CEP112: variants seen among roughly 807,000 people sequenced by gnomAD.
The protein encoded by CEP112 is centrosomal protein 112.
A neutral mutation model predicts 153.0 loss-of-function variants in CEP112; 127 were observed. The observed-to-expected ratio is 0.83, with a 90% CI of 0.72 to 0.96. CEP112 has a LOEUF of 0.96. CEP112 is among the 40% of genes least tolerant of loss of function. The probability of loss-of-function intolerance (pLI) is 0.00; values close to 1 mark genes in which losing one functional copy is unlikely to be tolerated. For missense variants in CEP112, 1,089 were observed against 1,101.2 expected (o/e 0.99, Z 0.16); for synonymous variants, 358 against 374.4 (o/e 0.96, Z 0.51).
At chr17:66,128,649 T>C (rs1381430157) in intron 6 of CEP112, among the ~76,000 whole-genome samples, 1 of 152,144 alleles carries the variant, frequency 6.6e-6, no homozygotes, top group Non-Finnish European at 1.5e-5. Flanking sequence ...AGCAATCAAA[T>C]ATGTATAAAA....
intron 23 of CEP112, among the ~76,000 whole-genome samples, chr17:65,733,611 C>G (rs1340559056): frequency 6.6e-6 from 1 of 152,170 alleles, no homozygotes; most frequent in African/African-American, 2.4e-5. Flanking sequence ...ACCACAAGAT[C>G]TGAGTTCTCT....
At position 65,925,363 on chromosome 17, in the gene CEP112, C is replaced by T. The variant is rs181171352; in HGVS notation, c.1980+2219G>A. 9.7e-4 allele frequency among the ~76,000 whole-genome samples: 148 copies of T among 152,288 alleles called. 2 individuals carry two copies. The highest frequency in any genetic ancestry group is 8.4e-3 in the Admixed American group (129 of 15,300). The stretch of plus-strand genomic sequence containing the variant: ...GTCTTGGGTATGTCTTTATTAGCAG[C>T]GTGAGAACAGACTAATACAGTTGGT... On this transcript the variant is annotated intron_variant, in intron 19 of 26. Coordinates refer to ENST00000535342, the MANE Select transcript of CEP112 (RefSeq NM_001199165.4).
chr17:66,086,020 G>A (rs2067914792), intron 8 of CEP112, among the ~76,000 whole-genome samples: 1 of 146,590 alleles, frequency 6.8e-6, no homozygotes, highest in South Asian at 2.1e-4. Context: ...TCTATATACA[G>A]TATATGATCT....
intron 20 of CEP112, among the ~76,000 whole-genome samples, chr17:65,881,185 C>T (rs980479304): frequency 6.6e-6 from 1 of 152,160 alleles, no homozygotes; most frequent in Non-Finnish European, 1.5e-5. Context: ...CCACTGCACT[C>T]CAGCCTGGGC....
At chr17:65,915,235 G>C (rs1036463160) in intron 19 of CEP112, among the ~76,000 whole-genome samples, 8 of 152,094 alleles carry the variant, frequency 5.3e-5, no homozygotes, top group African/African-American at 1.9e-4. Flanking sequence ...CCACCTGGTT[G>C]CTCAGTTGGG....
intron 11 of CEP112, among the ~76,000 whole-genome samples, chr17:66,057,622 A>C (rs1246496425): frequency 6.6e-6 from 1 of 152,156 alleles, no homozygotes; most frequent in Admixed American, 6.5e-5. Flanking sequence ...CACCTTGTCC[A>C]TGTAGAATAC....
At chr17:66,014,917 T>C (rs2064706707) in intron 16 of CEP112, among the ~76,000 whole-genome samples, 1 of 152,188 alleles carries the variant, frequency 6.6e-6, no homozygotes, top group African/African-American at 2.4e-5. Flanking sequence ...ATTTCCCACA[T>C]TTATTGATTT....
At chr17:66,038,193 T>G (rs757496337) in intron 12 of CEP112, among the ~76,000 whole-genome samples, 3 of 152,088 alleles carry the variant, frequency 2.0e-5, no homozygotes, top group Non-Finnish European at 2.9e-5. Context: ...ATAACTGCTG[T>G]TAGAAGCTGG....
intron 13 of CEP112, 105 bp from the exon 14 acceptor site, chr17:66,029,357 A>AAT: frequency 1.0e-6 from 1 of 973,652 alleles, no homozygotes; most frequent in South Asian, 1.6e-5. Context: ...TCAATATATT[A>AAT]AATAAGTATC....
chr17:65,934,709 T>G (rs2061245786), intron 18 of CEP112, among the ~76,000 whole-genome samples: 1 of 152,060 alleles, frequency 6.6e-6, no homozygotes, highest in Non-Finnish European at 1.5e-5. Flanking sequence ...TTCATGCAAA[T>G]AGAAATGAAA....
chr17:66,144,343 C>T (rs1275174013), intron 4 of CEP112, among the ~76,000 whole-genome samples: 1 of 152,138 alleles, frequency 6.6e-6, no homozygotes, highest in Non-Finnish European at 1.5e-5. Flanking sequence ...GTTTATGTCT[C>T]GCTTGGCCTG....
At chr17:65,879,003 A>C (rs2058953762) in intron 20 of CEP112, among the ~76,000 whole-genome samples, 1 of 152,104 alleles carries the variant, frequency 6.6e-6, no homozygotes, top group African/African-American at 2.4e-5. Context: ...TCAGGGAGAG[A>C]TATATTGGGA....
rs115080710 is a variant in CEP112 at position 65,922,763 on chromosome 17, T to C, written c.1980+4819A>G. Among the ~76,000 whole-genome samples the C allele has an allele frequency of 6.7e-3, 1,024 of 152,330 alleles. 15 individuals are homozygous for C. The highest frequency in any genetic ancestry group is 0.024 in the African/African-American group (988 of 41,582). On this transcript the variant is annotated intron_variant, in intron 19 of 26. Coordinates refer to ENST00000535342, the MANE Select transcript of CEP112 (RefSeq NM_001199165.4). ...CTTAGAGGAACTGACATTTTTCTTATTTTTCTTAGTGCTTCTAATATTGTT... is the reference window on the plus strand; with the variant it reads ...CTTAGAGGAACTGACATTTTTCTTACTTTTCTTAGTGCTTCTAATATTGTT...
chr17:65,790,064 A>C (rs1231391330), intron 21 of CEP112, among the ~76,000 whole-genome samples: 1 of 152,174 alleles, frequency 6.6e-6, no homozygotes, highest in African/African-American at 2.4e-5. Context: ...CCTGTAGAAG[A>C]AGCTGGCAGC....
rs554530409 is a variant in CEP112, at chr17:65,678,653, C to T, written c.2697+10476G>A. Among the ~76,000 whole-genome samples the T allele has an allele frequency of 2.0e-5, 3 of 152,294 alleles. No individual in the cohort carries two copies. The South Asian group carries it at 6.2e-4, about 32-fold the overall frequency. The stretch of plus-strand genomic sequence containing the variant: ...GAGATCTGTGTGCTCCTGCGGCCCT[C>T]CCCGTGGTCTTCGTCATCCGTCAGT... On this transcript the variant is annotated intron_variant, in intron 24 of 26. Transcript: ENST00000535342.
At chr17:66,156,727 G>T (rs561178532) in intron 4 of CEP112, among the ~76,000 whole-genome samples, 1 of 152,148 alleles carries the variant, frequency 6.6e-6, no homozygotes, top group South Asian at 2.1e-4. Context: ...CGAGAACTTC[G>T]TGAAGCATAC....
chr17:65,927,786 C>A, intron 18 of CEP112, 97 bp from the exon 19 acceptor site: 1 of 584,818 alleles, frequency 1.7e-6, no homozygotes, highest in Non-Finnish European at 2.8e-6. Flanking sequence ...AGATTTTAAG[C>A]ACCTCACCAA....
intron 19 of CEP112, chr17:65,913,924 T>C (rs1598989913): frequency 1.0e-6 from 1 of 959,592 alleles, no homozygotes. Context: ...GTGACAATTA[T>C]CCTGAGTTTT....
chr17:66,060,505 T>C (rs1568445167), intron 11 of CEP112, among the ~76,000 whole-genome samples: 3 of 152,114 alleles, frequency 2.0e-5, no homozygotes, highest in East Asian at 1.9e-4. Flanking sequence ...CATGAAAATA[T>C]ACTTCAAACT....
Sources: gnomAD v4.1 joint callset for allele counts (sites outside exome capture counted in the v4.1 genomes callset) on GRCh38, gnomAD v4.1.1 for gene constraint, MANE v1.5 for transcripts, NCBI Gene and HGNC (gene_info 2026-07-23, HGNC 2026-07-21) for gene names.